USH2A: variants seen among roughly 807,000 people sequenced by gnomAD.
USH2A encodes the protein usherin.
In USH2A, 443 loss-of-function variants were observed where a neutral mutation model predicts 538.9. The ratio of observed to expected loss-of-function variants is 0.82; its 90% CI spans 0.76 to 0.89. The LOEUF (loss-of-function observed/expected upper bound fraction) is 0.89. USH2A is among the 40% of genes least tolerant of loss of function. USH2A has a pLI of 0.00. For synonymous variants in USH2A, 2,413 were observed against 2,273.5 expected (o/e 1.06, Z -1.75); for missense variants, 6,633 against 6,324.8 (o/e 1.05, Z -1.65).
chr1:215,938,999 A>G (rs1439741997), intron 37 of USH2A, among the ~76,000 whole-genome samples: 2 of 152,194 alleles, frequency 1.3e-5, no homozygotes, highest in Non-Finnish European at 2.9e-5. Context: ...TATTAGTGAA[A>G]TAAGTGTAAA....
chr1:216,122,385 T>C (rs1458445467), intron 21 of USH2A, among the ~76,000 whole-genome samples: 1 of 152,064 alleles, frequency 6.6e-6, no homozygotes, highest in Non-Finnish European at 1.5e-5. Context: ...CAAATAAGCA[T>C]AACAATAGGT....
At chr1:216,177,596 C>A (rs1473311434) in intron 20 of USH2A, among the ~76,000 whole-genome samples, 1 of 152,076 alleles carries the variant, frequency 6.6e-6, no homozygotes, top group African/African-American at 2.4e-5. Flanking sequence ...GTGGGCTTAG[C>A]CTTGGAGCAG....
At chr1:215,628,776 A>G (rs1168577784) in intron 71 of USH2A, 38 bp downstream of exon 71, 2 of 1,607,114 alleles carry the variant, frequency 1.2e-6, no homozygotes, top group South Asian at 2.2e-5. Context: ...TTTTTCTGGG[A>G]TATTTAGCAA....
At chr1:216,085,589 C>T (rs2032103670) in intron 24 of USH2A, among the ~76,000 whole-genome samples, 1 of 151,998 alleles carries the variant, frequency 6.6e-6, no homozygotes, top group Admixed American at 6.6e-5. Context: ...TTTACATAGA[C>T]AAAGTAAAAT....
At chr1:215,900,024 T>C (rs899711392) in intron 40 of USH2A, 51 bp downstream of exon 40, 1 of 1,612,614 alleles carries the variant, frequency 6.2e-7, no homozygotes, top group Admixed American at 1.7e-5. Flanking sequence ...GAAGACATTT[T>C]AAGCTCCCTA....
intron 61 of USH2A, among the ~76,000 whole-genome samples, chr1:215,705,189 A>G (rs1659151498): frequency 6.6e-6 from 1 of 152,234 alleles, no homozygotes; most frequent in African/African-American, 2.4e-5. Flanking sequence ...TTCAACAAGA[A>G]CACAGTGATT....
intron 4 of USH2A, among the ~76,000 whole-genome samples, chr1:216,345,232 T>C (rs932642758): frequency 6.6e-6 from 1 of 152,064 alleles, no homozygotes; most frequent in East Asian, 1.9e-4. Flanking sequence ...AGAGACCACA[T>C]GTTGAAACTT....
intron 30 of USH2A, among the ~76,000 whole-genome samples, chr1:216,063,853 T>C (rs955754267): frequency 2.0e-5 from 3 of 152,228 alleles, no homozygotes; most frequent in African/African-American, 4.8e-5. Flanking sequence ...TAAGATCCTA[T>C]GGCATATTTC....
chr1:216,254,559 A>G (rs764697126), intron 11 of USH2A, among the ~76,000 whole-genome samples: 6 of 152,228 alleles, frequency 3.9e-5, no homozygotes, highest in Non-Finnish European at 8.8e-5. Context: ...CTGCAAATTT[A>G]GAGTTCATTC....
chr1:215,779,823 C>T lies in USH2A; in HGVS notation c.10939+20G>A, dbSNP rs1661572299. The T allele has an allele frequency of 2.5e-6, 4 of 1,601,616 alleles. No homozygotes were observed. Among genetic ancestry groups the T allele is most frequent in the Non-Finnish European group, 2.6e-6 (3 of 1,171,996 alleles). On this transcript the variant is annotated intron_variant, in intron 55 of 71. Coordinates refer to ENST00000307340, the MANE Select transcript of USH2A (RefSeq NM_206933.4). ...TGACAGACTCCTCCAGTAGGATTTC[C>T]TTTTTTTTTGTTTTCTCACCTGTGA...
chr1:215,723,568 C>A (rs1558070089), intron 61 of USH2A, among the ~76,000 whole-genome samples: 1 of 152,210 alleles, frequency 6.6e-6, no homozygotes, highest in Non-Finnish European at 1.5e-5. Context: ...AATGCATTAG[C>A]AGTACCTCTT....
At chr1:216,130,712 G>A (rs924717451) in intron 21 of USH2A, among the ~76,000 whole-genome samples, 9 of 149,714 alleles carry the variant, frequency 6.0e-5, no homozygotes, top group Non-Finnish European at 1.2e-4. Flanking sequence ...TCCACACATT[G>A]ATTGAAGGGC....
rs191603325 is a variant in USH2A, at chr1:216,234,214, T to C, written c.2810-2078A>G. Among the ~76,000 whole-genome samples the C allele has an allele frequency of 5.3e-4, 81 of 152,238 alleles. No individual in the cohort carries two copies. The South Asian group carries it at 6.8e-3, about 13-fold the overall frequency. ...GCCATTTTCTTATAGTTACCAACAATTGGGTTTTTTTCCTTCCCCTAGATC... is the reference window on the plus strand; with the variant it reads ...GCCATTTTCTTATAGTTACCAACAACTGGGTTTTTTTCCTTCCCCTAGATC... On this transcript the variant is annotated intron_variant, in intron 13 of 71. Transcript: ENST00000307340.
chr1:216,280,446 G>A (rs2036752604), intron 11 of USH2A, among the ~76,000 whole-genome samples: 1 of 151,270 alleles, frequency 6.6e-6, no homozygotes, highest in African/African-American at 2.4e-5. Flanking sequence ...GTATGACACA[G>A]ACATAAATTG....
In USH2A at chr1:216,098,554, T is replaced by C. The variant is rs1267776468; in HGVS notation, c.4628-1341A>G. ...TAGACAGCAACTACTCCAGAAGCCA[T>C]GTCTGAAGAGAAAAACTTTAGCTAG... On this transcript the variant is annotated intron_variant, in intron 21 of 71. Coordinates refer to ENST00000307340, the MANE Select transcript of USH2A (RefSeq NM_206933.4). 2.0e-5 allele frequency among the ~76,000 whole-genome samples: 3 copies of C among 152,144 alleles called. No homozygotes were observed. In the East Asian group the frequency reaches 5.8e-4, roughly 29 times the overall value.
intron 3 of USH2A, among the ~76,000 whole-genome samples, chr1:216,365,679 A>AT (rs146276635): frequency 0.22 from 33,459 of 150,690 alleles, 4,482 homozygotes; most frequent in East Asian, 0.36. Flanking sequence ...GGGATTAGCA[A>AT]TTTTTTTTTT....
chr1:216,421,937 T>C lies in USH2A; in HGVS notation c.400A>G (p.Ser134Gly), dbSNP rs2102788382. The C allele has an allele frequency of 1.9e-6, 3 of 1,613,914 alleles. No individual in the cohort carries two copies. The highest frequency in any genetic ancestry group is 2.5e-6 in the Non-Finnish European group (3 of 1,179,910). The change falls in exon 2 of 72, where the codon AGC (serine) becomes GGC (glycine). Residue 134 changes from serine to glycine, a missense_variant. Physicochemically the swap from Ser to Gly is moderately conservative, Grantham distance 56. Coordinates refer to ENST00000307340, the MANE Select transcript of USH2A (RefSeq NM_206933.4). ...SASFIFGNHKSCFSSPPSPKL... is the reference protein window; with the variant it reads ...SASFIFGNHKGCFSSPPSPKL... ...GGAGAAGGAGGAGAAGAAAAGCAGCTCTTGTGATTTCCAAAAATAAAACTT... is the reference window on the plus strand; with the variant it reads ...GGAGAAGGAGGAGAAGAAAAGCAGCCCTTGTGATTTCCAAAAATAAAACTT...
intron 37 of USH2A, among the ~76,000 whole-genome samples, chr1:215,948,240 T>C (rs1444602061): frequency 6.6e-6 from 1 of 152,000 alleles, no homozygotes; most frequent in Non-Finnish European, 1.5e-5. Context: ...CCTTCCCCCA[T>C]GTTTTCCTAT....
intron 38 of USH2A, among the ~76,000 whole-genome samples, chr1:215,903,077 G>T (rs1665545027): frequency 6.6e-6 from 1 of 152,010 alleles, no homozygotes; most frequent in Non-Finnish European, 1.5e-5. Context: ...GAGAAGGAAT[G>T]GTCAGTGAGG....
Sources: gnomAD v4.1 joint callset for allele counts (sites outside exome capture counted in the v4.1 genomes callset) on GRCh38, gnomAD v4.1.1 for gene constraint, MANE v1.5 for transcripts, NCBI Gene and HGNC (gene_info 2026-07-23, HGNC 2026-07-21) for gene names.